The following CTNNA2 variants were observed in gnomAD, a reference collection of about 807,000 sequenced individuals.
CTNNA2 encodes the protein catenin alpha-2.
In CTNNA2, 42 loss-of-function variants were observed where a neutral mutation model predicts 101.0. The observed-to-expected ratio is 0.42, with a 90% CI of 0.32 to 0.54. CTNNA2 has a LOEUF of 0.54. Among genes scored for constraint, CTNNA2 ranks in the 20% least tolerant of loss-of-function variants. The probability of loss-of-function intolerance (pLI) is 0.14; values close to 1 mark genes in which losing one functional copy is unlikely to be tolerated. For synonymous variants in CTNNA2, 450 were observed against 456.4 expected (o/e 0.99, Z 0.18); for missense variants, 871 against 1,223.1 (o/e 0.71, Z 4.29).
At chr2:80,411,268 G>C (rs1034143156) in intron 8 of CTNNA2, among the ~76,000 whole-genome samples, 2 of 152,150 alleles carry the variant, frequency 1.3e-5, no homozygotes, top group Non-Finnish European at 2.9e-5. Flanking sequence ...GCCTATCTTA[G>C]ACCACAAGTT....
At chr2:80,506,929 G>T (rs754057290) in intron 9 of CTNNA2, among the ~76,000 whole-genome samples, 1 of 152,124 alleles carries the variant, frequency 6.6e-6, no homozygotes, top group Admixed American at 6.6e-5. Context: ...GTAAGATAGG[G>T]GTGAGAATAC....
intron 7 of CTNNA2, among the ~76,000 whole-genome samples, chr2:80,365,022 G>T (rs184437812): frequency 1.4e-3 from 209 of 152,156 alleles, no homozygotes; most frequent in Middle Eastern, 3.4e-3. Context: ...TCATCTGTGG[G>T]GTTTGGCCTT....
intron 4 of CTNNA2, among the ~76,000 whole-genome samples, chr2:79,443,482 G>C (rs1358271033): frequency 6.6e-6 from 1 of 151,942 alleles, no homozygotes; most frequent in Admixed American, 6.6e-5. Flanking sequence ...TCAGTCTACA[G>C]ATTCAAATCT....
chr2:79,554,671 G>C (rs10520247), intron 1 of CTNNA2, among the ~76,000 whole-genome samples: 7,485 of 152,206 alleles, frequency 0.049, 254 homozygotes, highest in Non-Finnish European at 0.07. Flanking sequence ...AGATCATTAA[G>C]ATAGAAGGCT....
chr2:79,857,967 C>G (rs1486793627), intron 3 of CTNNA2, 46 bp from the exon 4 acceptor site: 3 of 1,584,738 alleles, frequency 1.9e-6, no homozygotes, highest in Non-Finnish European at 2.6e-6. Context: ...TGGCCAGTCT[C>G]TAAGCCTCTT....
At chr2:80,224,234 A>G (rs2149060858) in intron 7 of CTNNA2, among the ~76,000 whole-genome samples, 1 of 152,166 alleles carries the variant, frequency 6.6e-6, no homozygotes, top group Non-Finnish European at 1.5e-5. Context: ...ATTTATACCA[A>G]CCACATCATC....
At chr2:79,854,287 T>G (rs563453849) in intron 3 of CTNNA2, among the ~76,000 whole-genome samples, 12 of 152,252 alleles carry the variant, frequency 7.9e-5, no homozygotes, top group Non-Finnish European at 1.8e-4. Flanking sequence ...TTTTGGATGC[T>G]TGAAGTGGTT....
At chr2:79,698,042 T>C (rs1347778070) in intron 2 of CTNNA2, 8 of 152,104 alleles carry the variant, frequency 5.3e-5, no homozygotes, top group African/African-American at 1.9e-4. Context: ...AAAATATTCC[T>C]GTCCAAGAAA....
intron 6 of CTNNA2, among the ~76,000 whole-genome samples, chr2:79,889,439 A>G (rs1049245180): frequency 6.6e-6 from 1 of 152,204 alleles, no homozygotes; most frequent in Non-Finnish European, 1.5e-5. Flanking sequence ...GGCACCCAAC[A>G]TAACTGAGAA....
At chr2:80,146,481 A>G (rs1489928335) in intron 7 of CTNNA2, among the ~76,000 whole-genome samples, 1 of 151,936 alleles carries the variant, frequency 6.6e-6, no homozygotes, top group East Asian at 1.9e-4. Flanking sequence ...TGGGCTTTCA[A>G]TTTAGCTTCT....
At chr2:79,842,102 G>T (rs1166713618) in intron 3 of CTNNA2, among the ~76,000 whole-genome samples, 1 of 152,044 alleles carries the variant, frequency 6.6e-6, no homozygotes, top group African/African-American at 2.4e-5. Context: ...ATTTTATTTA[G>T]ATTAGTTTTC....
chr2:80,571,154 A>G (rs562250319), intron 12 of CTNNA2, among the ~76,000 whole-genome samples: 4 of 152,246 alleles, frequency 2.6e-5, no homozygotes, highest in African/African-American at 9.6e-5. Flanking sequence ...TCACCCCTTT[A>G]TATTCGAGAA....
intron 3 of CTNNA2, among the ~76,000 whole-genome samples, chr2:79,851,250 T>C (rs1205671403): frequency 6.6e-6 from 1 of 152,250 alleles, no homozygotes; most frequent in East Asian, 1.9e-4. Flanking sequence ...CAAATGAAGA[T>C]ATTTTCCCAC....
intron 4 of CTNNA2, among the ~76,000 whole-genome samples, chr2:79,503,314 T>A (rs1379002057): frequency 6.6e-6 from 1 of 152,232 alleles, no homozygotes; most frequent in Non-Finnish European, 1.5e-5. Flanking sequence ...TAAGAACTGA[T>A]ACTACGTGGT....
At chr2:79,950,185 A>G (rs1688781492) in intron 7 of CTNNA2, among the ~76,000 whole-genome samples, 2 of 796 alleles carry the variant, frequency 2.5e-3, no homozygotes, top group Non-Finnish European at 4.9e-3. Flanking sequence ...AGAAAAATGT[A>G]GTGACATTAA....
chr2:80,306,856 T>C (rs1558990461), intron 7 of CTNNA2, among the ~76,000 whole-genome samples: 1 of 151,542 alleles, frequency 6.6e-6, no homozygotes, highest in Non-Finnish European at 1.5e-5. Context: ...GGCTGCCAAA[T>C]GGGCAAGAAG....
chr2:80,425,236 T>G (rs1680888580), intron 9 of CTNNA2, among the ~76,000 whole-genome samples: 1 of 152,204 alleles, frequency 6.6e-6, no homozygotes, highest in Non-Finnish European at 1.5e-5. Flanking sequence ...AGCAGGCAAG[T>G]GGGTCTCTTG....
intron 2 of CTNNA2, among the ~76,000 whole-genome samples, chr2:79,239,834 C>T (rs555817261): frequency 4.0e-5 from 6 of 151,880 alleles, no homozygotes; most frequent in South Asian, 2.1e-4. Flanking sequence ...ATACGAGGAA[C>T]GTAAAAGTGC....
chr2:79,650,186 G>C (rs918924976), intron 1 of CTNNA2, among the ~76,000 whole-genome samples: 1 of 103,872 alleles, frequency 9.6e-6, no homozygotes, highest in Non-Finnish European at 2.0e-5. Flanking sequence ...GGGGGGGGGG[G>C]GAGGGGCTAG....
Sources: allele counts gnomAD v4.1 joint callset (sites outside exome capture counted in the v4.1 genomes callset), GRCh38; gene constraint gnomAD v4.1.1; transcripts MANE v1.5; gene names NCBI Gene and HGNC (gene_info 2026-07-23, HGNC 2026-07-21).